CDK13: variants seen among roughly 807,000 people sequenced by gnomAD.
CDK13 encodes the protein cyclin-dependent kinase 13.
In CDK13, 40 loss-of-function variants were observed where a neutral mutation model predicts 137.6. The observed-to-expected ratio is 0.29, with a 90% CI of 0.23 to 0.38. CDK13 has a LOEUF of 0.38. CDK13 is among the 10% of genes least tolerant of loss of function. The pLI is 1.00. For missense variants in CDK13, 1,704 were observed against 1,951.8 expected (o/e 0.87, Z 2.39); for synonymous variants, 869 against 760.1 (o/e 1.14, Z -2.36).
In CDK13 at chr7:39,951,396, G is replaced by C. The variant is rs2116063443; in HGVS notation, c.755G>C (p.Ser252Thr). The C allele has an allele frequency of 6.6e-7, 1 of 1,525,814 alleles. No individual in the cohort carries two copies. Among genetic ancestry groups the C allele is most frequent in the Non-Finnish European group, 8.8e-7 (1 of 1,139,620 alleles). 94.5% of individuals were successfully genotyped at this position (1,525,814 alleles called of 1,614,324 possible). A position where few individuals can be genotyped will look rare whatever the true frequency, so the allele number is the denominator to read the frequency against. The change falls in exon 1 of 14, where the codon AGC (serine) becomes ACC (threonine). Residue 252 changes from serine to threonine, a missense_variant. By Grantham distance (58) the Ser-to-Thr change is moderately conservative (BLOSUM62 1). This residue lies in a region of CDK13 where 1,051 missense variants were observed against 931.0 expected (regional missense o/e 1.13). Coordinates refer to ENST00000181839, the MANE Select transcript of CDK13 (RefSeq NM_003718.5). ...RAEVAKSGSS[S>T]SSGGRRKSAS... ...GAGGTCGCCAAGAGCGGCAGCAGCA[G>C]CAGCAGCGGCGGCCGCCGGAAAAGC...
chr7:40,055,841 C>CA (rs1420700493), intron 7 of CDK13, among the ~76,000 whole-genome samples: 2 of 152,066 alleles, frequency 1.3e-5, no homozygotes, highest in Admixed American at 6.6e-5. Context: ...CTCTGCCTCT[C>CA]AAAGTGCTGG....
chr7:39,974,288 A>T (rs117782030), intron 1 of CDK13, among the ~76,000 whole-genome samples: 7,692 of 151,630 alleles, frequency 0.051, 287 homozygotes, highest in Non-Finnish European at 0.075. Context: ...GTGGTCTTGA[A>T]CTCCTAGGCT....
chr7:40,024,646 T>TTTC (rs1785203655), intron 5 of CDK13, among the ~76,000 whole-genome samples: 1 of 3,530 alleles, frequency 2.8e-4, no homozygotes, highest in Non-Finnish European at 9.6e-4. Flanking sequence ...TAGCTCTGTG[T>TTTC]TTTTTTTTTT....
intron 1 of CDK13, among the ~76,000 whole-genome samples, chr7:39,970,808 T>C (rs545942389): frequency 6.6e-6 from 1 of 152,322 alleles, no homozygotes; most frequent in East Asian, 1.9e-4. Flanking sequence ...GTGTGTTAAA[T>C]ACAGACATAA....
intron 1 of CDK13, among the ~76,000 whole-genome samples, chr7:39,953,635 A>T (rs1787311099): frequency 6.6e-6 from 1 of 152,170 alleles, no homozygotes; most frequent in South Asian, 2.1e-4. Flanking sequence ...AGGTATTGGG[A>T]TGTAGCAGGA....
At chr7:40,027,638 T>C (rs1785271657) in intron 5 of CDK13, among the ~76,000 whole-genome samples, 1 of 151,466 alleles carries the variant, frequency 6.6e-6, no homozygotes, top group Non-Finnish European at 1.5e-5. Flanking sequence ...TACCTTACTT[T>C]CTATAACACC....
chr7:40,068,576 C>T (rs1378392014), intron 9 of CDK13, among the ~76,000 whole-genome samples: 1 of 151,496 alleles, frequency 6.6e-6, no homozygotes, highest in African/African-American at 2.4e-5. Flanking sequence ...TGCCTGTAAT[C>T]CCAGCTACTT....
At position 39,951,740 on chromosome 7, in the gene CDK13, T is replaced by TC; in HGVS notation, c.1104dup (p.Ser369GlnfsTer17). 6.8e-7 allele frequency: 1 copy of TC among 1,470,332 alleles called. No individual in the cohort carries two copies. Among genetic ancestry groups the TC allele is most frequent in the Non-Finnish European group, 8.9e-7 (1 of 1,120,970 alleles). The allele number at this position is 1,470,332 out of a possible 1,614,324, so 91.1% of individuals were successfully genotyped here. ...CCCGAGCCCCTACAGTCGCCGCCGC[T>TC]CCCCCAGCTACAGCCGCCACAGCTC... is the stretch of plus-strand genomic sequence containing the variant. On this transcript the variant is annotated frameshift_variant, in exon 1 of 14. Transcript: ENST00000181839. LOFTEE classifies it high-confidence loss of function.
chr7:40,094,001 T>C, intron 13 of CDK13, 129 bp from the exon 14 acceptor site: 1 of 1,148,698 alleles, frequency 8.7e-7, no homozygotes, highest in East Asian at 2.6e-5. Flanking sequence ...TTTGCTTTTT[T>C]CATTTAACAT....
At chr7:39,976,321 T>TCACACACA (rs1248415358) in intron 1 of CDK13, among the ~76,000 whole-genome samples, 15 of 35,962 alleles carry the variant, frequency 4.2e-4, no homozygotes, top group South Asian at 1.2e-3. Flanking sequence ...TCTCTCTCTC[T>TCACACACA]CTCACACACA....
At position 39,997,480 on chromosome 7, in the gene CDK13, T is replaced by A. The variant is rs776675289; in HGVS notation, c.1872-14T>A. 1.5e-5 allele frequency: 23 copies of A among 1,585,026 alleles called. No homozygotes were observed. In the South Asian group the frequency reaches 2.6e-4, roughly 18 times the overall value. Reference sequence around the variant, plus strand: ...AAATTTTTGTTTTATTTGTCTGACTTCTTTCACTTTCAGCTTACGAGGAAA... The same window carrying A: ...AAATTTTTGTTTTATTTGTCTGACTACTTTCACTTTCAGCTTACGAGGAAA... On this transcript the variant is annotated splice_polypyrimidine_tract_variant and intron_variant, in intron 2 of 13. Coordinates refer to ENST00000181839, the MANE Select transcript of CDK13 (RefSeq NM_003718.5).
At chr7:39,963,059 A>G (rs10273253) in intron 1 of CDK13, among the ~76,000 whole-genome samples, 22,253 of 152,152 alleles carry the variant, frequency 0.15, 5,397 homozygotes, top group African/African-American at 0.5. Context: ...AGGTAGCGTG[A>G]TGCCTCCAGC....
chr7:39,992,777 T>C (rs375973474), intron 2 of CDK13, among the ~76,000 whole-genome samples: 5 of 152,134 alleles, frequency 3.3e-5, no homozygotes, highest in African/African-American at 4.8e-5. Context: ...TTGGTATCGT[T>C]TAACTTGTTC....
intron 9 of CDK13, among the ~76,000 whole-genome samples, chr7:40,073,462 AC>A (rs1222276198): frequency 6.6e-6 from 1 of 152,054 alleles, no homozygotes; most frequent in Non-Finnish European, 1.5e-5. Context: ...CCTTGTTTGC[AC>A]CCCTGCACTC....
At chr7:40,026,295 G>A (rs979927377) in intron 5 of CDK13, among the ~76,000 whole-genome samples, 11 of 152,120 alleles carry the variant, frequency 7.2e-5, no homozygotes, top group Non-Finnish European at 1.2e-4. Flanking sequence ...GATCTCTTGA[G>A]CTCAGGAGTT....
chr7:40,020,417 C>A (rs180807375), intron 5 of CDK13, among the ~76,000 whole-genome samples: 40 of 152,234 alleles, frequency 2.6e-4, no homozygotes, highest in Non-Finnish European at 5.0e-4. Context: ...ACTTTACCAA[C>A]CAGGATTCCT....
chr7:40,099,319 C>G lies in CDK13; in HGVS notation c.*4339C>G, dbSNP rs183148714. 3 of 152,124 alleles carry G rather than the reference C, an allele frequency of 2.0e-5. No homozygotes were observed. Among genetic ancestry groups the G allele is most frequent in the Non-Finnish European group, 4.4e-5 (3 of 67,996 alleles). 9.4% of individuals were successfully genotyped at this position (152,124 alleles called of 1,614,324 possible). ...GACTAACAGAGTCTGCAGGTCTTAA[C>G]TCATTTCAGCCTGTCAAATGTGCAA... On this transcript the variant is annotated 3_prime_UTR_variant, in exon 14 of 14. Coordinates refer to ENST00000181839, the MANE Select transcript of CDK13 (RefSeq NM_003718.5).
At position 40,093,273 on chromosome 7, in the gene CDK13, C is replaced by T. The variant is rs375749520; in HGVS notation, c.3688+36C>T. On this transcript the variant is annotated intron_variant, in intron 13 of 13. Coordinates refer to ENST00000181839, the MANE Select transcript of CDK13 (RefSeq NM_003718.5). ...AGATACCAGACCACTAACACAGCTG[C>T]ATTACATTGTCTACTCAGTGTTGCT... The T allele has an allele frequency of 6.7e-6, 10 of 1,487,430 alleles. No individual in the cohort carries two copies. The African/African-American group carries it at 6.9e-5, about 10-fold the overall frequency. The allele number at this position is 1,487,430 out of a possible 1,614,324, so 92.1% of individuals were successfully genotyped here. A position where few individuals can be genotyped will look rare whatever the true frequency, so the allele number is the denominator to read the frequency against.
At chr7:39,986,214 TA>T (rs1296373747) in intron 1 of CDK13, 1 of 152,210 alleles carries the variant, frequency 6.6e-6, no homozygotes, top group Non-Finnish European at 1.5e-5. Flanking sequence ...ATGAGGGCAT[TA>T]AATGAGATAA....
Sources: allele counts gnomAD v4.1 joint callset (sites outside exome capture counted in the v4.1 genomes callset), GRCh38; gene constraint gnomAD v4.1.1; regional missense constraint gnomAD v4.1.1; transcripts MANE v1.5; gene names NCBI Gene and HGNC (gene_info 2026-07-23, HGNC 2026-07-21).